FLT1: variants seen among roughly 807,000 people sequenced by gnomAD.
The protein encoded by FLT1 is fms related receptor tyrosine kinase 1.
FLT1 carries 49 observed loss-of-function variants against 156.3 expected under a neutral mutation model. The ratio of observed to expected loss-of-function variants is 0.31; its 90% CI spans 0.25 to 0.40. The LOEUF (loss-of-function observed/expected upper bound fraction) is 0.40, where lower values mean the gene tolerates loss of function less well. FLT1 is among the 10% of genes least tolerant of loss of function. FLT1 has a pLI of 1.00. For synonymous variants in FLT1, 594 were observed against 583.8 expected (o/e 1.02, Z -0.25); for missense variants, 1,322 against 1,637.2 (o/e 0.81, Z 3.32).
chr13:28,442,817 G>T (rs1013680682), intron 3 of FLT1, among the ~76,000 whole-genome samples: 1 of 152,042 alleles, frequency 6.6e-6, no homozygotes, highest in Non-Finnish European at 1.5e-5. Flanking sequence ...GAATGAATTT[G>T]CCTGACATAT....
At chr13:28,332,175 C>T (rs1281345627) in intron 18 of FLT1, among the ~76,000 whole-genome samples, 1 of 152,136 alleles carries the variant, frequency 6.6e-6, no homozygotes, top group Non-Finnish European at 1.5e-5. Context: ...CTGCAGTGAA[C>T]TATGATCATG....
intron 10 of FLT1, among the ~76,000 whole-genome samples, chr13:28,419,875 T>C (rs989726244): frequency 6.6e-6 from 1 of 152,192 alleles, no homozygotes; most frequent in Non-Finnish European, 1.5e-5. Context: ...CAAGACTCCG[T>C]CTCAAAACAA....
intron 29 of FLT1, among the ~76,000 whole-genome samples, chr13:28,303,742 A>C (rs950860): frequency 0.072 from 10,939 of 152,176 alleles, 656 homozygotes; most frequent in African/African-American, 0.16. Flanking sequence ...CAAAATATTC[A>C]AATTTTTCAT....
intron 23 of FLT1, 55 bp from the exon 24 acceptor site, chr13:28,319,589 A>G: frequency 9.8e-7 from 1 of 1,021,792 alleles, no homozygotes; most frequent in Non-Finnish European, 1.5e-6. Context: ...AAGCACATTC[A>G]ACCCGAGTGT....
chr13:28,351,541 A>G (rs1268069214), intron 15 of FLT1, among the ~76,000 whole-genome samples: 1 of 152,210 alleles, frequency 6.6e-6, no homozygotes, highest in African/African-American at 2.4e-5. Context: ...TGAAATGTTA[A>G]AATAGGCCTG....
intron 10 of FLT1, among the ~76,000 whole-genome samples, chr13:28,414,911 CCT>C (rs1876554656): frequency 6.6e-6 from 1 of 152,168 alleles, no homozygotes; most frequent in Non-Finnish European, 1.5e-5. Context: ...CACATACACC[CCT>C]GACCTAAGCA....
At chr13:28,457,065 A>G (rs1190607422) in intron 3 of FLT1, among the ~76,000 whole-genome samples, 1 of 152,212 alleles carries the variant, frequency 6.6e-6, no homozygotes, top group East Asian at 1.9e-4. Flanking sequence ...CTGGTGGGGA[A>G]TGTTGATAAT....
At chr13:28,389,025 AT>A (rs1874537940) in intron 13 of FLT1, 1 of 1,064,472 alleles carries the variant, frequency 9.4e-7, no homozygotes, top group Non-Finnish European at 1.1e-6. Context: ...GGGGACGTTG[AT>A]TTGGATGGAC....
intron 17 of FLT1, among the ~76,000 whole-genome samples, chr13:28,335,899 C>T (rs539297568): frequency 8.5e-5 from 13 of 152,142 alleles, no homozygotes; most frequent in Non-Finnish European, 1.6e-4. Context: ...TCTGAAAATC[C>T]GGTGTGGGAA....
rs547727519 is a variant in FLT1, at chr13:28,475,011, T to C, written c.65-7394A>G. Among the ~76,000 whole-genome samples the C allele has an allele frequency of 7.9e-4, 120 of 152,352 alleles. 2 individuals are homozygous for C. Among genetic ancestry groups the C allele is most frequent in the Admixed American group, 7.8e-4 (12 of 15,304 alleles). ...GTGTGAGATTTTACACTAGTTGTTT[T>C]TCCAGCTTAAAACTTTAGAAGGCTG... On this transcript the variant is annotated intron_variant, in intron 1 of 29. Coordinates refer to ENST00000282397, the MANE Select transcript of FLT1 (RefSeq NM_002019.4).
rs1180356511 is a variant in FLT1 at position 28,440,362 on chromosome 13, A to T, written c.389-2017T>A. On this transcript the variant is annotated intron_variant, in intron 3 of 29. Transcript: ENST00000282397. ...ATGAGTTGTCTAGATGGGCACAGCC[A>T]GGCCTGTAGGCCAGTTACTTCTGCC... is the stretch of plus-strand genomic sequence containing the variant. 2.6e-5 allele frequency among the ~76,000 whole-genome samples: 4 copies of T among 152,360 alleles called. No individual in the cohort carries two copies. The East Asian group carries it at 7.7e-4, about 29-fold the overall frequency.
At chr13:28,473,307 T>C (rs559601690) in intron 1 of FLT1, among the ~76,000 whole-genome samples, 12 of 152,026 alleles carry the variant, frequency 7.9e-5, no homozygotes, top group African/African-American at 2.7e-4. Context: ...ACATAAAAAC[T>C]TACACACAAA....
rs369506402 is a variant in FLT1, at chr13:28,424,419, A to C, written c.1436+2740T>G. Among the ~76,000 whole-genome samples the C allele has an allele frequency of 5.3e-5, 8 of 152,170 alleles. No homozygotes were observed. The East Asian group carries it at 5.8e-4, about 11-fold the overall frequency. ...GAAAGCCACAATATTACTCAGTCAAAACTTAGCTCGCCTTCATAGCATATT... is the reference window on the plus strand; with the variant it reads ...GAAAGCCACAATATTACTCAGTCAACACTTAGCTCGCCTTCATAGCATATT... On this transcript the variant is annotated intron_variant, in intron 10 of 29. Transcript: ENST00000282397.
chr13:28,329,022 G>C (rs914579868), intron 19 of FLT1, among the ~76,000 whole-genome samples: 1 of 152,162 alleles, frequency 6.6e-6, no homozygotes, highest in African/African-American at 2.4e-5. Context: ...GTTGAGAGCT[G>C]GGGAAAACAT....
chr13:28,364,416 T>A (rs546570081), intron 14 of FLT1, among the ~76,000 whole-genome samples: 2 of 152,310 alleles, frequency 1.3e-5, no homozygotes, highest in African/African-American at 4.8e-5. Context: ...TTTTTTAACA[T>A]AATCAAATTT....
At chr13:28,433,998 T>G in intron 5 of FLT1, 43 bp from the exon 6 acceptor site, 4 of 1,613,882 alleles carry the variant, frequency 2.5e-6, no homozygotes, top group Non-Finnish European at 3.4e-6. Flanking sequence ...AAGATTTCAT[T>G]ACACAGATAA....
At chr13:28,305,122 T>C (rs56091982) in intron 29 of FLT1, among the ~76,000 whole-genome samples, 3,366 of 152,324 alleles carry the variant, frequency 0.022, 102 homozygotes, top group African/African-American at 0.069. Context: ...CCAAAGTGAC[T>C]GCCCCATTTT....
intron 3 of FLT1, among the ~76,000 whole-genome samples, chr13:28,448,114 T>C (rs956028273): frequency 6.6e-6 from 1 of 152,186 alleles, no homozygotes; most frequent in Admixed American, 6.5e-5. Context: ...ATTACAAGTG[T>C]TGGCAAGGAT....
At chr13:28,386,289 G>A in intron 13 of FLT1, 2 of 1,043,308 alleles carry the variant, frequency 1.9e-6, no homozygotes, top group Non-Finnish European at 2.3e-6. Flanking sequence ...ATTTGTTAAA[G>A]CAATTTAGAA....
Sources: gnomAD v4.1 joint callset for allele counts (sites outside exome capture counted in the v4.1 genomes callset) on GRCh38, gnomAD v4.1.1 for gene constraint, MANE v1.5 for transcripts, NCBI Gene and HGNC (gene_info 2026-07-23, HGNC 2026-07-21) for gene names.